Variants in SIPA1L2 observed in about 807,000 individuals in gnomAD.
SIPA1L2 encodes the protein signal-induced proliferation-associated 1-like protein 2.
SIPA1L2 carries 56 observed loss-of-function variants against 163.9 expected under a neutral mutation model. The observed-to-expected ratio is 0.34, with a 90% CI of 0.28 to 0.43. The LOEUF is 0.43. Ranked by LOEUF, SIPA1L2 falls within the 20% of genes least tolerant of loss-of-function variation. The pLI is 1.00. For synonymous variants in SIPA1L2, 877 were observed against 865.7 expected, an observed-to-expected ratio of 1.01 and a Z score of -0.23; for missense variants, 1,974 against 2,193.5, an observed-to-expected ratio of 0.90 and a Z score of 2.00.
intron 7 of SIPA1L2, among the ~76,000 whole-genome samples, chr1:232,472,100 C>T (rs1664829590): frequency 6.6e-6 from 1 of 152,084 alleles, no homozygotes; most frequent in African/African-American, 2.4e-5. Context: ...AACCAGAAGC[C>T]CAATCATTTG....
At chr1:232,588,330 C>T (rs991225371) in intron 1 of SIPA1L2, among the ~76,000 whole-genome samples, 7 of 152,124 alleles carry the variant, frequency 4.6e-5, no homozygotes, top group Non-Finnish European at 1.0e-4. Flanking sequence ...GGCCCATTTT[C>T]GAGGAAAACA....
intron 10 of SIPA1L2, among the ~76,000 whole-genome samples, chr1:232,459,728 C>T (rs12137166): frequency 0.31 from 47,069 of 151,748 alleles, 7,984 homozygotes; most frequent in East Asian, 0.58. Flanking sequence ...GTCCAGGCTG[C>T]TCTCAAACTC....
intron 2 of SIPA1L2, among the ~76,000 whole-genome samples, chr1:232,527,940 C>T (rs1322232464): frequency 6.6e-6 from 1 of 150,710 alleles, no homozygotes; most frequent in Non-Finnish European, 1.5e-5. Flanking sequence ...AAAATATGAT[C>T]ATGGGAAATT....
In SIPA1L2 at chr1:232,399,064, T is replaced by C. The variant is rs1337252143; in HGVS notation, c.*63A>G. 9 of 1,602,152 alleles carry C rather than the reference T, an allele frequency of 5.6e-6. No individual in the cohort carries two copies. The highest frequency in any genetic ancestry group is 1.3e-5 in the African/African-American group (1 of 74,442). Reference sequence around the variant, plus strand: ...GTTGAAAGCACACAGAAAAACCACATGTTTGTGACTTCAAAGGGACAAGGG... The same window carrying C: ...GTTGAAAGCACACAGAAAAACCACACGTTTGTGACTTCAAAGGGACAAGGG... On this transcript the variant is annotated 3_prime_UTR_variant, in exon 23 of 23. Coordinates refer to ENST00000674635, the MANE Select transcript of SIPA1L2 (RefSeq NM_020808.5).
At chr1:232,609,911 ATGCATGATG>A (rs1400430735) in intron 1 of SIPA1L2, among the ~76,000 whole-genome samples, 1 of 152,094 alleles carries the variant, frequency 6.6e-6, no homozygotes, top group African/African-American at 2.4e-5. Flanking sequence ...AAATAATGAT[ATGCATGATG>A]TCTGTTCAAA....
rs189949641 is a variant in SIPA1L2 at position 232,580,383 on chromosome 1, A to G, written c.-318-6161T>C. ...TATCAGCACGGTCTTTGTGACCTAT[A>G]TCTTGCGCTGACCTCCTGTCTCATC... On this transcript the variant is annotated intron_variant, in intron 1 of 22. Coordinates refer to ENST00000674635, the MANE Select transcript of SIPA1L2 (RefSeq NM_020808.5). Among the ~76,000 whole-genome samples, 5 of 152,246 alleles carry G rather than the reference A, an allele frequency of 3.3e-5. No homozygotes were observed. The East Asian group carries it at 9.7e-4, about 30-fold the overall frequency.
chr1:232,527,212 C>T (rs1283390952), intron 2 of SIPA1L2, among the ~76,000 whole-genome samples: 1 of 152,172 alleles, frequency 6.6e-6, no homozygotes, highest in Non-Finnish European at 1.5e-5. Context: ...AATTAAAAAG[C>T]AGAAAAGAGG....
chr1:232,506,118 C>G (rs986262993), intron 3 of SIPA1L2, among the ~76,000 whole-genome samples: 5 of 152,138 alleles, frequency 3.3e-5, no homozygotes, highest in African/African-American at 1.2e-4. Flanking sequence ...CTTTCCCCAG[C>G]CCTCTCTGCC....
At chr1:232,402,571 A>G (rs1226358943) in intron 21 of SIPA1L2, 98 bp from the exon 22 acceptor site, 7 of 901,506 alleles carry the variant, frequency 7.8e-6, no homozygotes, top group Admixed American at 2.5e-5. Context: ...ATGTGCTTAG[A>G]GCCCAGCAAG....
chr1:232,425,560 G>A lies in SIPA1L2; in HGVS notation c.4630+29C>T, dbSNP rs200570983. 3.4e-5 allele frequency: 52 copies of A among 1,524,986 alleles called. No homozygotes were observed. The Admixed American group carries it at 6.0e-4, about 18-fold the overall frequency. 94.5% of individuals were successfully genotyped at this position (1,524,986 alleles called of 1,614,324 possible). Reference sequence around the variant, plus strand: ...GTGCGATCAGCCCACCCTCGGCGCTGGCCAGGGAGCAGCCAGCCCCTCACT... The same window carrying A: ...GTGCGATCAGCCCACCCTCGGCGCTAGCCAGGGAGCAGCCAGCCCCTCACT... On this transcript the variant is annotated intron_variant, in intron 18 of 22. Transcript: ENST00000674635.
In SIPA1L2 at chr1:232,472,409, G is replaced by A. The variant is rs560135165; in HGVS notation, c.2086-881C>T. Among the ~76,000 whole-genome samples, 4 of 152,280 alleles carry A rather than the reference G, an allele frequency of 2.6e-5. No homozygotes were observed. The East Asian group carries it at 7.7e-4, about 29-fold the overall frequency. The stretch of plus-strand genomic sequence containing the variant: ...TGTCATACTGACTTTCAGTTTCCTA[G>A]TTTCTAATGGTGTGCCAGGCAAAGG... On this transcript the variant is annotated intron_variant, in intron 7 of 22. Transcript: ENST00000674635.
At chr1:232,463,474 A>G (rs1042184047) in intron 9 of SIPA1L2, among the ~76,000 whole-genome samples, 2 of 152,236 alleles carry the variant, frequency 1.3e-5, no homozygotes, top group African/African-American at 4.8e-5. Context: ...GACACAGAAT[A>G]TAATTCCTAA....
In SIPA1L2 at chr1:232,606,504, T is replaced by C. The variant is rs1243150963; in HGVS notation, c.-319+23365A>G. 2.6e-5 allele frequency among the ~76,000 whole-genome samples: 4 copies of C among 152,164 alleles called. No homozygotes were observed. In the East Asian group the frequency reaches 7.7e-4, roughly 29 times the overall value. On this transcript the variant is annotated intron_variant, in intron 1 of 22. Coordinates refer to ENST00000674635, the MANE Select transcript of SIPA1L2 (RefSeq NM_020808.5). Reference sequence around the variant, plus strand: ...CCAAAATCTCTAACTTAATGTTTAGTAGCAATGCGGAAAAATATTCTCATT... The same window carrying C: ...CCAAAATCTCTAACTTAATGTTTAGCAGCAATGCGGAAAAATATTCTCATT...
intron 2 of SIPA1L2, among the ~76,000 whole-genome samples, chr1:232,557,092 GGAGGTGA>G (rs1386154062): frequency 6.6e-6 from 1 of 152,198 alleles, no homozygotes; most frequent in Non-Finnish European, 1.5e-5. Context: ...AATACTGATA[GGAGGTGA>G]GAGGCTGACA....
intron 1 of SIPA1L2, among the ~76,000 whole-genome samples, chr1:232,589,511 C>CT (rs1660857233): frequency 6.6e-6 from 1 of 152,216 alleles, no homozygotes; most frequent in Non-Finnish European, 1.5e-5. Context: ...CGCAGAAATT[C>CT]TTTTTTCCAA....
intron 2 of SIPA1L2, among the ~76,000 whole-genome samples, chr1:232,539,678 C>G (rs921907809): frequency 1.1e-4 from 17 of 152,110 alleles, no homozygotes; most frequent in African/African-American, 3.9e-4. Flanking sequence ...TCATTCTGTG[C>G]TCTCCCCATT....
chr1:232,463,057 C>A (rs1345273392), intron 9 of SIPA1L2, among the ~76,000 whole-genome samples: 1 of 152,154 alleles, frequency 6.6e-6, no homozygotes, highest in African/African-American at 2.4e-5. Flanking sequence ...CAAGAAAAAT[C>A]AAAATGCGAG....
At chr1:232,498,256 A>G (rs1666297945) in intron 3 of SIPA1L2, among the ~76,000 whole-genome samples, 1 of 152,210 alleles carries the variant, frequency 6.6e-6, no homozygotes, top group African/African-American at 2.4e-5. Context: ...TATCGAAATA[A>G]AAACAAGGAG....
At chr1:232,495,508 C>T (rs977494997) in intron 3 of SIPA1L2, among the ~76,000 whole-genome samples, 4 of 147,458 alleles carry the variant, frequency 2.7e-5, no homozygotes, top group African/African-American at 5.0e-5. Context: ...GAGCTTGCAT[C>T]GAGCCGAGAT....
Sources: allele counts gnomAD v4.1 joint callset (sites outside exome capture counted in the v4.1 genomes callset), GRCh38; gene constraint gnomAD v4.1.1; transcripts MANE v1.5; gene names NCBI Gene and HGNC (gene_info 2026-07-23, HGNC 2026-07-21).